RFX7: variants seen among roughly 807,000 people sequenced by gnomAD.
RFX7 encodes the protein DNA-binding protein RFX7.
In RFX7, 26 loss-of-function variants were observed where a neutral mutation model predicts 111.8. That is an observed-to-expected ratio of 0.23 (90% CI 0.17 to 0.32). The LOEUF (loss-of-function observed/expected upper bound fraction) is 0.32, where lower values mean the gene tolerates loss of function less well. Ranked by LOEUF, RFX7 falls within the 10% of genes least tolerant of loss-of-function variation. RFX7 has a pLI of 1.00. For synonymous variants in RFX7, 624 were observed against 624.4 expected, an observed-to-expected ratio of 1.00 and a Z score of 0.01; for missense variants, 1,573 against 1,772.9, an observed-to-expected ratio of 0.89 and a Z score of 2.02.
At chr15:56,109,137 A>G (rs1203378277) in intron 5 of RFX7, among the ~76,000 whole-genome samples, 4 of 151,622 alleles carry the variant, frequency 2.6e-5, no homozygotes, top group African/African-American at 9.7e-5. Context: ...GCTCACTGCA[A>G]CCTCCCTGCC....
intron 3 of RFX7, among the ~76,000 whole-genome samples, chr15:56,162,357 T>G (rs1162181405): frequency 5.9e-5 from 9 of 152,090 alleles, no homozygotes; most frequent in Admixed American, 5.2e-4. Context: ...TGACTTAAAG[T>G]GCAAAGATAG....
At chr15:56,135,017 T>C (rs1489995771) in intron 5 of RFX7, among the ~76,000 whole-genome samples, 1 of 152,222 alleles carries the variant, frequency 6.6e-6, no homozygotes, top group South Asian at 2.1e-4. Flanking sequence ...TCTATCATTG[T>C]TGGACATTTG....
At position 56,234,943 on chromosome 15, in the gene RFX7, C is replaced by G. The variant is rs74634412; in HGVS notation, c.161+8182G>C. 5.3e-5 allele frequency among the ~76,000 whole-genome samples: 8 copies of G among 152,288 alleles called. No homozygotes were observed. The East Asian group carries it at 1.5e-3, about 29-fold the overall frequency. On this transcript the variant is annotated intron_variant, in intron 2 of 9. Coordinates refer to ENST00000559447, the MANE Select transcript of RFX7 (RefSeq NM_022841.7). ...CTGAAAAAAATTAAATTACACAACTCAGATCATTGTTCCCCTGGGAGTTGA... is the reference window on the plus strand; with the variant it reads ...CTGAAAAAAATTAAATTACACAACTGAGATCATTGTTCCCCTGGGAGTTGA...
At chr15:56,214,683 C>A (rs998931143) in intron 2 of RFX7, among the ~76,000 whole-genome samples, 1 of 150,390 alleles carries the variant, frequency 6.6e-6, no homozygotes, top group Non-Finnish European at 1.5e-5. Context: ...CCACTGCACT[C>A]CGGCCTGGGC....
chr15:56,142,094 C>G (rs553927287), intron 5 of RFX7, among the ~76,000 whole-genome samples: 1 of 152,082 alleles, frequency 6.6e-6, no homozygotes, highest in Non-Finnish European at 1.5e-5. Flanking sequence ...TCAATATGCC[C>G]TCAAATTTGC....
At chr15:56,202,692 G>A (rs1443839429) in intron 2 of RFX7, among the ~76,000 whole-genome samples, 1 of 152,194 alleles carries the variant, frequency 6.6e-6, no homozygotes, top group Non-Finnish European at 1.5e-5. Context: ...TGTGCTTATA[G>A]ATCCAGCTAT....
chr15:56,241,465 C>G (rs775950116), intron 2 of RFX7, among the ~76,000 whole-genome samples: 19 of 152,070 alleles, frequency 1.2e-4, no homozygotes, highest in Non-Finnish European at 2.8e-4. Context: ...TAAAATTTGT[C>G]TCTCTTAAAA....
intron 2 of RFX7, among the ~76,000 whole-genome samples, chr15:56,210,386 C>T (rs1448077319): frequency 6.6e-6 from 1 of 152,032 alleles, no homozygotes; most frequent in Admixed American, 6.6e-5. Flanking sequence ...AGTTCAATAT[C>T]CCTCTATCTG....
At chr15:56,226,142 C>T (rs1435634429) in intron 2 of RFX7, among the ~76,000 whole-genome samples, 1 of 152,086 alleles carries the variant, frequency 6.6e-6, no homozygotes, top group Non-Finnish European at 1.5e-5. Flanking sequence ...CTCTGTACTA[C>T]AGAAGTGTTG....
chr15:56,164,570 C>T (rs998292255), intron 3 of RFX7, among the ~76,000 whole-genome samples: 2 of 152,170 alleles, frequency 1.3e-5, no homozygotes, highest in Admixed American at 6.6e-5. Flanking sequence ...AACTCAGGTA[C>T]TACTGAAATT....
rs1361657189 is a variant in RFX7, at chr15:56,090,867, T to C, written c.*2478A>G. The stretch of plus-strand genomic sequence containing the variant: ...GCAATTATATGCAAAATTATTTACT[T>C]CATGAAGTTTTATGATAAACAGTAT... On this transcript the variant is annotated 3_prime_UTR_variant, in exon 10 of 10. Transcript: ENST00000559447. 1.3e-5 allele frequency: 2 copies of C among 152,594 alleles called. No individual in the cohort carries two copies. The highest frequency in any genetic ancestry group is 4.8e-5 in the African/African-American group (2 of 41,438). The allele number at this position is 152,594 out of a possible 1,614,324, so 9.5% of individuals were successfully genotyped here. A position where few individuals can be genotyped will look rare whatever the true frequency, so the allele number is the denominator to read the frequency against.
At chr15:56,144,986 C>T (rs2042449409) in intron 3 of RFX7, among the ~76,000 whole-genome samples, 1 of 152,118 alleles carries the variant, frequency 6.6e-6, no homozygotes, top group Non-Finnish European at 1.5e-5. Context: ...CTACTGTTAC[C>T]TGTGGATGGA....
chr15:56,119,644 G>A (rs761745674), intron 5 of RFX7, among the ~76,000 whole-genome samples: 4 of 152,004 alleles, frequency 2.6e-5, no homozygotes, highest in Non-Finnish European at 4.4e-5. Flanking sequence ...AGGCATGGTG[G>A]TGCGTGCCTA....
chr15:56,134,196 TAG>T (rs1431143852), intron 5 of RFX7, among the ~76,000 whole-genome samples: 1 of 152,152 alleles, frequency 6.6e-6, no homozygotes, highest in East Asian at 1.9e-4. Context: ...GTCACACTGG[TAG>T]AGTCACTTAA....
intron 5 of RFX7, among the ~76,000 whole-genome samples, chr15:56,128,866 C>T (rs192745488): frequency 2.2e-4 from 33 of 151,852 alleles, no homozygotes; most frequent in South Asian, 1.5e-3. Flanking sequence ...TTGCAGGATA[C>T]GAGATCAATA....
In RFX7 at chr15:56,091,101, T is replaced by C. The variant is rs980657003; in HGVS notation, c.*2244A>G. ...GTACAAGATAAGTCAATAACACTCA[T>C]GCACATTTTGTGATCATGTATTAAC... On this transcript the variant is annotated 3_prime_UTR_variant, in exon 10 of 10. Coordinates refer to ENST00000559447, the MANE Select transcript of RFX7 (RefSeq NM_022841.7). 2.0e-5 allele frequency: 3 copies of C among 152,568 alleles called. No homozygotes were observed. Among genetic ancestry groups the C allele is most frequent in the Non-Finnish European group, 4.4e-5 (3 of 67,998 alleles). 9.5% of individuals were successfully genotyped at this position (152,568 alleles called of 1,614,324 possible).
chr15:56,128,174 G>A (rs1366605388), intron 5 of RFX7, among the ~76,000 whole-genome samples: 1 of 152,142 alleles, frequency 6.6e-6, no homozygotes, highest in African/African-American at 2.4e-5. Flanking sequence ...TTTAGCTGGT[G>A]AATTCTAATC....
At chr15:56,229,979 C>G (rs1269496731) in intron 2 of RFX7, among the ~76,000 whole-genome samples, 1 of 152,128 alleles carries the variant, frequency 6.6e-6, no homozygotes, top group African/African-American at 2.4e-5. Context: ...AATCTACCTC[C>G]TTCCTTATCT....
intron 2 of RFX7, among the ~76,000 whole-genome samples, chr15:56,193,485 A>T (rs998359607): frequency 2.0e-5 from 3 of 152,194 alleles, no homozygotes; most frequent in Admixed American, 1.3e-4. Flanking sequence ...TGATAATGAC[A>T]GGCATTGAAC....
Sources: gnomAD v4.1 joint callset for allele counts (sites outside exome capture counted in the v4.1 genomes callset) on GRCh38, gnomAD v4.1.1 for gene constraint, MANE v1.5 for transcripts, NCBI Gene and HGNC (gene_info 2026-07-23, HGNC 2026-07-21) for gene names.